The following NCOA2 variants were observed in gnomAD, a reference collection of about 807,000 sequenced individuals.
NCOA2 encodes class E basic helix-loop-helix protein 75.
Under a neutral mutation model 145.1 loss-of-function variants are expected in NCOA2, and 21 were observed. The observed-to-expected ratio is 0.14, with a 90% CI of 0.10 to 0.21. The LOEUF (loss-of-function observed/expected upper bound fraction) is 0.21. NCOA2 is among the 10% of genes least tolerant of loss of function. The probability of loss-of-function intolerance (pLI) is 1.00; values close to 1 mark genes in which losing one functional copy is unlikely to be tolerated. For synonymous variants in NCOA2, 619 were observed against 637.5 expected (o/e 0.97, Z 0.44); for missense variants, 1,472 against 1,837.6 (o/e 0.80, Z 3.64).
chr8:70,274,789 TC>T (rs1825347525), intron 2 of NCOA2, among the ~76,000 whole-genome samples: 1 of 152,136 alleles, frequency 6.6e-6, no homozygotes, highest in Non-Finnish European at 1.5e-5. Context: ...AACGCAACAA[TC>T]CCATAAAATA....
intron 2 of NCOA2, among the ~76,000 whole-genome samples, chr8:70,228,399 G>A (rs1820853210): frequency 6.6e-6 from 1 of 152,198 alleles, no homozygotes; most frequent in African/African-American, 2.4e-5. Flanking sequence ...CAAACTTTGT[G>A]AAGAGCACAG....
At chr8:70,132,147 A>T in intron 15 of NCOA2, 145 bp from the exon 16 acceptor site, 1 of 790,644 alleles carries the variant, frequency 1.3e-6, no homozygotes, top group Non-Finnish European at 2.0e-6. Context: ...GAACAAAAGG[A>T]CAGTCTGAAA....
intron 2 of NCOA2, among the ~76,000 whole-genome samples, chr8:70,262,796 C>T (rs562149402): frequency 3.3e-5 from 5 of 152,182 alleles, no homozygotes; most frequent in Non-Finnish European, 1.5e-5. Context: ...ACAGTAGTCC[C>T]CCTCATCCTC....
rs1316206936 is a variant in NCOA2, at chr8:70,156,557, C to T, written c.1808G>A (p.Ser603Asn). ...TTCCTTTTGCTCTCCAGGATGGCAG[C>T]TGCTCTCTGCTTGTCCAGTTGTACC... is the stretch of plus-strand genomic sequence containing the variant. Reference protein sequence around the residue: ...SEGTTGQAESSCHPGEQKETN... With the variant: ...SEGTTGQAESNCHPGEQKETN... Residue 603 changes from serine (S) to asparagine (N), a missense_variant, in exon 11 of 23, where the codon AGC (serine) becomes AAC (asparagine). This residue lies in a region of NCOA2 where 953 missense variants were observed against 1,062.1 expected (regional missense o/e 0.90). Coordinates refer to ENST00000452400, the MANE Select transcript of NCOA2 (RefSeq NM_006540.4). The T allele has an allele frequency of 5.6e-6, 9 of 1,613,942 alleles. No individual in the cohort carries two copies. Among genetic ancestry groups the T allele is most frequent in the Non-Finnish European group, 6.8e-6 (8 of 1,179,870 alleles).
At position 70,112,231 on chromosome 8, in the gene NCOA2, G is replaced by A. The variant is rs1415951958; in HGVS notation, c.*1401C>T. 1 of 201,702 alleles carries A rather than the reference G, an allele frequency of 5.0e-6. No homozygotes were observed. Among genetic ancestry groups the A allele is most frequent in the Non-Finnish European group, 1.0e-5 (1 of 97,888 alleles). The allele number at this position is 201,702 out of a possible 1,614,324, so 12.5% of individuals were successfully genotyped here. ...AGTCTACAAATTAGGTCTAATCAAG[G>A]CATTGATATCCTTTACAAAACACCT... On this transcript the variant is annotated 3_prime_UTR_variant, in exon 23 of 23. Coordinates refer to ENST00000452400, the MANE Select transcript of NCOA2 (RefSeq NM_006540.4).
At chr8:70,170,114 T>A in intron 6 of NCOA2, 88 bp downstream of exon 6, 2 of 1,243,524 alleles carry the variant, frequency 1.6e-6, no homozygotes, top group East Asian at 5.0e-5. Context: ...TAGTTTTATT[T>A]GATCCACTTC....
At chr8:70,279,408 T>C (rs115874910) in intron 2 of NCOA2, among the ~76,000 whole-genome samples, 1,809 of 152,320 alleles carry the variant, frequency 0.012, 49 homozygotes, top group African/African-American at 0.041. Context: ...GTGGCTCTCA[T>C]GAGGAAATGC....
At chr8:70,248,491 T>C (rs537480491) in intron 2 of NCOA2, among the ~76,000 whole-genome samples, 2 of 152,304 alleles carry the variant, frequency 1.3e-5, no homozygotes, top group South Asian at 2.1e-4. Flanking sequence ...AAGTACTCTA[T>C]GTCCTGGCTC....
rs181507078 is a variant in NCOA2, at chr8:70,199,744, C to T, written c.259+14159G>A. ...GGCAGAACTCAGATCTTTCTTGGTC[C>T]CAGGCCACATCCTGCCATCTCCCTA... On this transcript the variant is annotated intron_variant, in intron 4 of 22. Coordinates refer to ENST00000452400, the MANE Select transcript of NCOA2 (RefSeq NM_006540.4). Among the ~76,000 whole-genome samples, 3 of 152,244 alleles carry T rather than the reference C, an allele frequency of 2.0e-5. No homozygotes were observed. In the East Asian group the frequency reaches 5.8e-4, roughly 29 times the overall value.
the NCOA2 span, among the ~76,000 whole-genome samples, chr8:70,437,546 C>G: frequency 1.3e-5 from 2 of 152,292 alleles, no homozygotes; most frequent in South Asian, 2.1e-4. Flanking sequence ...TGTTCAGACA[C>G]AATGATGACA....
At chr8:70,242,893 A>G (rs1822264538) in intron 2 of NCOA2, among the ~76,000 whole-genome samples, 11 of 152,080 alleles carry the variant, frequency 7.2e-5, no homozygotes, top group Admixed American at 7.2e-4. Context: ...TCAGCCTGAC[A>G]AGATCAGACC....
intron 1 of NCOA2, among the ~76,000 whole-genome samples, chr8:70,403,169 A>C (rs1441321686): frequency 1.3e-5 from 2 of 150,656 alleles, no homozygotes; most frequent in African/African-American, 4.9e-5. Context: ...CCGCGCTTCC[A>C]TTAAAGAATG....
intron 1 of NCOA2, among the ~76,000 whole-genome samples, chr8:70,396,095 C>A (rs1338740671): frequency 6.6e-6 from 1 of 152,172 alleles, no homozygotes; most frequent in African/African-American, 2.4e-5. Context: ...GACTACAATA[C>A]CTCAACACCT....
At chr8:70,207,642 T>A (rs999452472) in intron 4 of NCOA2, among the ~76,000 whole-genome samples, 1 of 151,886 alleles carries the variant, frequency 6.6e-6, no homozygotes, top group African/African-American at 2.4e-5. Flanking sequence ...GGCGGGTGGA[T>A]CACCTTAGGT....
the NCOA2 span, among the ~76,000 whole-genome samples, chr8:70,429,798 G>A: frequency 1.3e-5 from 2 of 152,140 alleles, no homozygotes; most frequent in East Asian, 1.9e-4. Context: ...AAGAATGTAG[G>A]GCTTTAATAC....
intron 19 of NCOA2, chr8:70,126,499 A>T: frequency 3.0e-6 from 1 of 333,278 alleles, no homozygotes; most frequent in Non-Finnish European, 5.6e-6. Context: ...ACATTGACAT[A>T]AACATAGATC....
intron 1 of NCOA2, among the ~76,000 whole-genome samples, chr8:70,375,993 T>C (rs998895518): frequency 6.6e-6 from 1 of 152,168 alleles, no homozygotes; most frequent in Non-Finnish European, 1.5e-5. Flanking sequence ...AACTATAATT[T>C]TATTCATTAT....
At chr8:70,178,457 CTAACACCAG>C (rs1459489973) in intron 4 of NCOA2, among the ~76,000 whole-genome samples, 1 of 152,172 alleles carries the variant, frequency 6.6e-6, no homozygotes, top group Non-Finnish European at 1.5e-5. Context: ...AAAGCAGTAG[CTAACACCAG>C]TAATGGAGAA....
rs373283839 is a variant in NCOA2, at chr8:70,355,447, G to A, written c.-77+48253C>T. The stretch of plus-strand genomic sequence containing the variant: ...ATACAGTGTGATCAATAAAATGAGG[G>A]GGTGAGAACTATCCTCAGGGAACCT... On this transcript the variant is annotated intron_variant, in intron 1 of 22. Coordinates refer to ENST00000452400, the MANE Select transcript of NCOA2 (RefSeq NM_006540.4). 3.3e-5 allele frequency among the ~76,000 whole-genome samples: 5 copies of A among 152,356 alleles called. No individual in the cohort carries two copies. The South Asian group carries it at 1.0e-3, about 32-fold the overall frequency.
Sources: allele counts gnomAD v4.1 joint callset (sites outside exome capture counted in the v4.1 genomes callset), GRCh38; gene constraint gnomAD v4.1.1; regional missense constraint gnomAD v4.1.1; transcripts MANE v1.5; gene names NCBI Gene and HGNC (gene_info 2026-07-23, HGNC 2026-07-21).